Variants in PSMG2 observed in about 807,000 individuals in gnomAD.
PSMG2 encodes CD40 ligand-activated specific transcript 3.
In PSMG2, 21 loss-of-function variants were observed where a neutral mutation model predicts 31.5. That is an observed-to-expected ratio of 0.67 (90% CI 0.47 to 0.96). The LOEUF (loss-of-function observed/expected upper bound fraction) is 0.96. PSMG2 is among the 40% of genes least tolerant of loss of function. The pLI is 0.00. For synonymous variants in PSMG2, 120 were observed against 110.4 expected (o/e 1.09, Z -0.54); for missense variants, 318 against 321.2 (o/e 0.99, Z 0.08).
intron 1 of PSMG2, among the ~76,000 whole-genome samples, chr18:12,664,088 C>T (rs903892389): frequency 1.1e-4 from 17 of 152,086 alleles, no homozygotes; most frequent in South Asian, 4.1e-4. Flanking sequence ...CGCTTGAACC[C>T]GGAGGGGCGG....
At chr18:12,716,977 G>A (rs2040382736) in intron 3 of PSMG2, among the ~76,000 whole-genome samples, 7 of 138,938 alleles carry the variant, frequency 5.0e-5, no homozygotes, top group Admixed American at 3.9e-4. Flanking sequence ...TTTTGAGACA[G>A]GGTGTCACTC....
chr18:12,711,022 C>T (rs1160519610), intron 2 of PSMG2, among the ~76,000 whole-genome samples: 2 of 152,062 alleles, frequency 1.3e-5, no homozygotes, highest in Non-Finnish European at 2.9e-5. Flanking sequence ...ATCGCTTGAA[C>T]CCAGGAGGTA....
rs74946932 is a variant in PSMG2 at position 12,661,617 on chromosome 18, CA to C, written c.-37+2847del. Among the ~76,000 whole-genome samples the C allele has an allele frequency of 3.2e-3, 486 of 151,278 alleles. 14 individuals carry two copies. In the East Asian group the frequency reaches 0.056, roughly 17 times the overall value. On this transcript the variant is annotated intron_variant, in intron 1 of 6. Coordinates refer to the PSMG2 transcript ENST00000585331. ...TGAAACCTCGTCTCTACTAAAAATG[CA>C]AAGAAAATTAGCCAGGCATGGTGAT...
intron 5 of PSMG2, among the ~76,000 whole-genome samples, chr18:12,721,390 T>G (rs1212215550): frequency 6.6e-6 from 1 of 152,188 alleles, no homozygotes; most frequent in Admixed American, 6.5e-5. Flanking sequence ...ATATACATCG[T>G]GCAAAATTTA....
At chr18:12,700,670 T>C (rs995946297), upstream of PSMG2, among the ~76,000 whole-genome samples, 3 of 152,166 alleles carry the variant, frequency 2.0e-5, no homozygotes, top group African/African-American at 7.2e-5. Flanking sequence ...GTGAACTAAT[T>C]GGACTAAAGT....
At chr18:12,718,100 C>T (rs1008011073) in intron 3 of PSMG2, among the ~76,000 whole-genome samples, 16 of 151,594 alleles carry the variant, frequency 1.1e-4, no homozygotes, top group Non-Finnish European at 1.8e-4. Context: ...CCTTCACCTC[C>T]TGGGTTCAAG....
intron 1 of PSMG2, among the ~76,000 whole-genome samples, chr18:12,660,066 C>T (rs1482078442): frequency 6.6e-6 from 1 of 152,146 alleles, no homozygotes; most frequent in Admixed American, 6.5e-5. Flanking sequence ...GATACTGCTG[C>T]CCATTGCACT....
At chr18:12,668,242 G>C (rs1398034246) in intron 1 of PSMG2, among the ~76,000 whole-genome samples, 22 of 151,814 alleles carry the variant, frequency 1.4e-4, no homozygotes, top group Non-Finnish European at 1.6e-4. Context: ...TCCAGACTGG[G>C]CAACAGACTG....
intron 5 of PSMG2, among the ~76,000 whole-genome samples, chr18:12,721,713 T>G (rs933939602): frequency 6.6e-6 from 1 of 152,090 alleles, no homozygotes; most frequent in Non-Finnish European, 1.5e-5. Context: ...TATTCTCTAT[T>G]ATTCTATTAT....
intron 1 of PSMG2, among the ~76,000 whole-genome samples, chr18:12,696,527 C>A (rs28655556): frequency 6.0e-5 from 9 of 150,640 alleles, no homozygotes; most frequent in African/African-American, 2.0e-4. Context: ...TAATAATAAT[C>A]TAAATTACTA....
rs368143818 is a variant in PSMG2, at chr18:12,703,131, G to A, written c.24G>A (p.Ser8=). Residue 8 remains serine (S), a synonymous_variant, in exon 1 of 7, where the codon TCG becomes TCA. Transcript: ENST00000317615. ...CCATGTTCGTTCCCTGCGGGGAGTCGGCCCCCGACCTTGCCGGCTTCACCC... is the reference window on the plus strand; with the variant it reads ...CCATGTTCGTTCCCTGCGGGGAGTCAGCCCCCGACCTTGCCGGCTTCACCC... The part of the protein sequence containing the change: MFVPCGE[S]APDLAGFTLL... 1.6e-5 allele frequency: 26 copies of A among 1,612,282 alleles called. No individual in the cohort carries two copies. The highest frequency in any genetic ancestry group is 4.0e-5 in the African/African-American group (3 of 74,884).
chr18:12,711,750 CTTT>C (rs34631690), intron 2 of PSMG2, among the ~76,000 whole-genome samples: 3 of 97,568 alleles, frequency 3.1e-5, no homozygotes, highest in Non-Finnish European at 5.8e-5. Context: ...GCTTCTCATT[CTTT>C]TTTTTTTTTT....
intron 1 of PSMG2, among the ~76,000 whole-genome samples, chr18:12,660,037 C>T (rs2038663365): frequency 6.6e-6 from 1 of 152,162 alleles, no homozygotes; most frequent in African/African-American, 2.4e-5. Context: ...GACAACACTA[C>T]CACCTCCTGG....
upstream of PSMG2, chr18:12,698,713 A>C (rs1043656456): frequency 7.3e-6 from 3 of 412,578 alleles, no homozygotes; most frequent in Non-Finnish European, 1.3e-5. Context: ...CTAGCATAAC[A>C]CTATGCACAT....
At chr18:12,684,708 C>T (rs1437572842) in intron 1 of PSMG2, 2 of 151,518 alleles carry the variant, frequency 1.3e-5, no homozygotes, top group Admixed American at 1.3e-4. Context: ...TTCTAGAACT[C>T]CCGACCACAG....
intron 3 of PSMG2, among the ~76,000 whole-genome samples, chr18:12,713,182 CT>C (rs1488986287): frequency 6.6e-6 from 1 of 152,180 alleles, no homozygotes; most frequent in Non-Finnish European, 1.5e-5. Context: ...CTTCATGCCC[CT>C]GACTAACTTG....
intron 1 of PSMG2, among the ~76,000 whole-genome samples, chr18:12,705,732 G>T (rs2040262069): frequency 6.6e-6 from 1 of 152,048 alleles, no homozygotes; most frequent in Non-Finnish European, 1.5e-5. Flanking sequence ...CCCACTGCCT[G>T]GAATGTTCTT....
At chr18:12,690,343 A>G (rs757312259) in intron 1 of PSMG2, among the ~76,000 whole-genome samples, 6 of 152,220 alleles carry the variant, frequency 3.9e-5, no homozygotes, top group Non-Finnish European at 8.8e-5. Flanking sequence ...CTTAACTTAA[A>G]ATAATATACT....
At chr18:12,672,745 T>C in intron 1 of PSMG2, 5 of 971,430 alleles carry the variant, frequency 5.1e-6, no homozygotes, top group Non-Finnish European at 6.1e-6. Context: ...TTCTAAATGA[T>C]TCATGTACTT....
Sources: gnomAD v4.1 joint callset for allele counts (sites outside exome capture counted in the v4.1 genomes callset) on GRCh38, gnomAD v4.1.1 for gene constraint, MANE v1.5 for transcripts, NCBI Gene and HGNC (gene_info 2026-07-23, HGNC 2026-07-21) for gene names.